The following CEP112 variants were observed in gnomAD, a reference collection of about 807,000 sequenced individuals.
CEP112 encodes centrosomal protein of 112 kDa.
In CEP112, 127 loss-of-function variants were observed where a neutral mutation model predicts 153.0. That is an observed-to-expected ratio of 0.83 (90% CI 0.72 to 0.96). The LOEUF (loss-of-function observed/expected upper bound fraction) is 0.96, where lower values mean the gene tolerates loss of function less well. CEP112 is among the 40% of genes least tolerant of loss of function. The pLI, the probability that CEP112 is intolerant of heterozygous loss-of-function variation, is 0.00. For missense variants in CEP112, 1,089 were observed against 1,101.2 expected, an observed-to-expected ratio of 0.99 and a Z score of 0.16; for synonymous variants, 358 against 374.4, an observed-to-expected ratio of 0.96 and a Z score of 0.51.
At chr17:66,009,189 TTGTGTGTGTGTGTGTGTGTG>T (rs34971943) in intron 16 of CEP112, among the ~76,000 whole-genome samples, 26 of 146,944 alleles carry the variant, frequency 1.8e-4, no homozygotes, top group Admixed American at 2.0e-4. Context: ...TGTTATCCCT[TTGTGTGTGTGTGTGTGTGTG>T]TGTGTGTGTG....
At chr17:66,126,987 T>C (rs1318355506) in intron 6 of CEP112, among the ~76,000 whole-genome samples, 4 of 152,200 alleles carry the variant, frequency 2.6e-5, no homozygotes, top group Admixed American at 6.5e-5. Flanking sequence ...TTCTAATAAA[T>C]TGAATACTTA....
At chr17:65,974,829 T>G (rs950820490) in intron 17 of CEP112, among the ~76,000 whole-genome samples, 2 of 152,114 alleles carry the variant, frequency 1.3e-5, no homozygotes, top group African/African-American at 4.8e-5. Flanking sequence ...TAAGATCATA[T>G]ATCCACAGAA....
At chr17:65,956,089 A>G (rs2061992063) in intron 18 of CEP112, among the ~76,000 whole-genome samples, 1 of 152,210 alleles carries the variant, frequency 6.6e-6, no homozygotes, top group Non-Finnish European at 1.5e-5. Flanking sequence ...AAGATAGACC[A>G]TAACAGGCCA....
At chr17:65,789,412 C>T (rs2054470324) in intron 21 of CEP112, among the ~76,000 whole-genome samples, 1 of 152,136 alleles carries the variant, frequency 6.6e-6, no homozygotes, top group Non-Finnish European at 1.5e-5. Context: ...TAAATATGAT[C>T]ATATCACTTT....
chr17:66,135,953 A>G (rs2070416137), intron 4 of CEP112, among the ~76,000 whole-genome samples: 3 of 152,004 alleles, frequency 2.0e-5, no homozygotes, highest in Admixed American at 2.0e-4. Context: ...TGTCAGCAAG[A>G]CTCTCCTTCT....
At chr17:65,712,657 A>G (rs1462404301) in intron 23 of CEP112, among the ~76,000 whole-genome samples, 1 of 152,220 alleles carries the variant, frequency 6.6e-6, no homozygotes, top group Non-Finnish European at 1.5e-5. Flanking sequence ...GCTTTGAGCA[A>G]CAACAAAAAA....
chr17:65,781,661 G>A (rs923293370), intron 21 of CEP112, among the ~76,000 whole-genome samples: 7 of 152,092 alleles, frequency 4.6e-5, no homozygotes, highest in African/African-American at 1.2e-4. Flanking sequence ...CAGACACATC[G>A]ATTCATGGAA....
intron 19 of CEP112, among the ~76,000 whole-genome samples, chr17:65,920,384 T>A (rs1445409257): frequency 1.9e-5 from 2 of 105,544 alleles, no homozygotes; most frequent in African/African-American, 7.8e-5. Context: ...TATATATATA[T>A]ATATATATAT....
At chr17:66,001,631 T>G (rs2064057148) in intron 17 of CEP112, among the ~76,000 whole-genome samples, 1 of 152,202 alleles carries the variant, frequency 6.6e-6, no homozygotes, top group Admixed American at 6.5e-5. Context: ...AATTGAATAC[T>G]TTAAAATAGA....
At chr17:65,752,685 C>G (rs1222290270) in intron 21 of CEP112, among the ~76,000 whole-genome samples, 1 of 152,170 alleles carries the variant, frequency 6.6e-6, no homozygotes, top group African/African-American at 2.4e-5. Context: ...CTCTCCAATT[C>G]CTGAACCTTC....
In CEP112 at chr17:66,063,085, T is replaced by C. The variant is rs954715088; in HGVS notation, c.956-4A>G. 8 of 1,495,290 alleles carry C rather than the reference T, an allele frequency of 5.4e-6. No individual in the cohort carries two copies. In the Middle Eastern group the frequency reaches 8.9e-4, roughly 166 times the overall value. The allele number at this position is 1,495,290 out of a possible 1,614,324, so 92.6% of individuals were successfully genotyped here. On this transcript the variant is annotated splice_region_variant and splice_polypyrimidine_tract_variant and intron_variant, in intron 10 of 26. Transcript: ENST00000535342. ...CAGTCACGTATCAGTGTCTGAACTGTCAAAAATTTTGAAAACATAGTTAAA... is the reference window on the plus strand; with the variant it reads ...CAGTCACGTATCAGTGTCTGAACTGCCAAAAATTTTGAAAACATAGTTAAA...
intron 4 of CEP112, among the ~76,000 whole-genome samples, chr17:66,160,072 T>C (rs1301938921): frequency 6.6e-6 from 1 of 152,146 alleles, no homozygotes; most frequent in African/African-American, 2.4e-5. Flanking sequence ...AGCCAAATCA[T>C]GAGTGAATTC....
At chr17:65,950,699 C>T (rs11079607) in intron 18 of CEP112, among the ~76,000 whole-genome samples, 47 of 147,184 alleles carry the variant, frequency 3.2e-4, no homozygotes, top group Admixed American at 9.0e-4. Context: ...GGATACATTA[C>T]TAGTAGTAGT....
chr17:65,725,919 G>C (rs1414212492), intron 23 of CEP112, among the ~76,000 whole-genome samples: 1 of 152,094 alleles, frequency 6.6e-6, no homozygotes, highest in Non-Finnish European at 1.5e-5. Context: ...ATTTGGGTGG[G>C]GACACAGAGC....
At chr17:65,787,406 C>T (rs1245816004) in intron 21 of CEP112, among the ~76,000 whole-genome samples, 1 of 152,094 alleles carries the variant, frequency 6.6e-6, no homozygotes, top group African/African-American at 2.4e-5. Flanking sequence ...TCACTTAAGC[C>T]CAGGAGTTCA....
At chr17:65,866,273 G>A (rs751113136) in intron 20 of CEP112, among the ~76,000 whole-genome samples, 2 of 152,184 alleles carry the variant, frequency 1.3e-5, no homozygotes, top group African/African-American at 2.4e-5. Flanking sequence ...CCGGTTGTGC[G>A]CACCCTCGAG....
intron 18 of CEP112, among the ~76,000 whole-genome samples, chr17:65,935,780 A>G (rs1169135305): frequency 6.6e-6 from 1 of 152,082 alleles, no homozygotes; most frequent in Admixed American, 6.5e-5. Context: ...AGGGAAATTA[A>G]TGGCATTTTT....
intron 21 of CEP112, among the ~76,000 whole-genome samples, chr17:65,785,711 T>C (rs1205831060): frequency 6.6e-6 from 1 of 152,218 alleles, no homozygotes; most frequent in Non-Finnish European, 1.5e-5. Flanking sequence ...TGAAATGTCA[T>C]GAAAATTTAC....
intron 24 of CEP112, among the ~76,000 whole-genome samples, chr17:65,650,641 A>T (rs1487034376): frequency 6.6e-6 from 1 of 150,462 alleles, no homozygotes; most frequent in Non-Finnish European, 1.5e-5. Context: ...CATGCCTGTA[A>T]TCCCAGCACT....
Sources: gnomAD v4.1 joint callset for allele counts (sites outside exome capture counted in the v4.1 genomes callset) on GRCh38, gnomAD v4.1.1 for gene constraint, MANE v1.5 for transcripts, NCBI Gene and HGNC (gene_info 2026-07-23, HGNC 2026-07-21) for gene names.